Variants in MLANA observed in about 807,000 individuals in gnomAD.
MLANA encodes the protein melan-A, also known as melanoma antigen recognized by T-cells 1.
MLANA carries 21 observed loss-of-function variants against 15.7 expected under a neutral mutation model. The observed-to-expected ratio is 1.33, with a 90% CI of 0.95 to 1.92. The LOEUF (loss-of-function observed/expected upper bound fraction) is 1.92. Among genes scored for constraint, MLANA ranks in the 40% most tolerant of loss-of-function variants. MLANA has a pLI of 0.00. For synonymous variants in MLANA, 56 were observed against 51.5 expected (o/e 1.09, Z -0.37); for missense variants, 164 against 143.8 (o/e 1.14, Z -0.72).
At position 5,908,884 on chromosome 9, in the gene MLANA, G is replaced by C. The variant is rs1008939913; in HGVS notation, c.*176G>C. 14 of 571,846 alleles carry C rather than the reference G, an allele frequency of 2.4e-5. No individual in the cohort carries two copies. The highest frequency in any genetic ancestry group is 4.0e-5 in the Non-Finnish European group (13 of 323,116). The allele number at this position is 571,846 out of a possible 1,614,324, so 35.4% of individuals were successfully genotyped here. ...CCGCTAGCAGTACTAATCATGTGAG[G>C]AAATGATGAGAAATATTAAATTGGG... is the stretch of plus-strand genomic sequence containing the variant. On this transcript the variant is annotated 3_prime_UTR_variant, in exon 5 of 5. Transcript: ENST00000381477.
chr9:5,892,681 G>A (rs1179646175), intron 2 of MLANA, 130 bp downstream of exon 2: 1 of 682,936 alleles, frequency 1.5e-6, no homozygotes, highest in Non-Finnish European at 2.3e-6. Flanking sequence ...AACATCCCTG[G>A]CAACAAGGGG....
rs1833067451 is a variant in MLANA at position 5,909,982 on chromosome 9, G to A, written c.*1274G>A. 1.3e-5 allele frequency: 2 copies of A among 152,162 alleles called. No homozygotes were observed. The highest frequency in any genetic ancestry group is 2.9e-5 in the Non-Finnish European group (2 of 68,034). The allele number at this position is 152,162 out of a possible 1,614,324, so 9.4% of individuals were successfully genotyped here. ...TATTGCCATCCTGAGTGGAAAACCA[G>A]TATCATTTTCCATAGTAGAGGATAA... is the stretch of plus-strand genomic sequence containing the variant. On this transcript the variant is annotated 3_prime_UTR_variant, in exon 5 of 5. Transcript: ENST00000381477.
intron 1 of MLANA, chr9:5,891,171 T>C (rs1180513525): frequency 6.6e-6 from 1 of 152,220 alleles, no homozygotes; most frequent in East Asian, 1.9e-4. Context: ...CAGGATGGCA[T>C]CTTGCTGGGG....
chr9:5,910,535 T>G lies in MLANA; in HGVS notation c.*1827T>G, dbSNP rs988504230. The stretch of plus-strand genomic sequence containing the variant: ...CCTCCTCCCCTCACCACGAGGTCTC[T>G]GCTGAACCTCAATCCTGTACACTGA... On this transcript the variant is annotated 3_prime_UTR_variant, in exon 5 of 5. Transcript: ENST00000381477. 3.9e-5 allele frequency: 6 copies of G among 152,340 alleles called. No homozygotes were observed. Among genetic ancestry groups the G allele is most frequent in the Non-Finnish European group, 7.3e-5 (5 of 68,046 alleles). 9.4% of individuals were successfully genotyped at this position (152,340 alleles called of 1,614,324 possible). A position where few individuals can be genotyped will look rare whatever the true frequency, so the allele number is the denominator to read the frequency against.
rs768578082 is a variant in MLANA at position 5,894,362 on chromosome 9, A to G, written c.77+1811A>G. Among the ~76,000 whole-genome samples, 22 of 152,106 alleles carry G rather than the reference A, an allele frequency of 1.4e-4. No homozygotes were observed. Among genetic ancestry groups the G allele is most frequent in the Non-Finnish European group, 2.1e-4 (14 of 68,014 alleles). The stretch of plus-strand genomic sequence containing the variant: ...CTGGTTAAACAGGCATGGGACTGAG[A>G]CTGAGGAGGCAAAGAAGGCATCGGG... On this transcript the variant is annotated intron_variant, in intron 2 of 4. Transcript: ENST00000381477. The surrounding 1 kb of genome is among the most constrained non-coding windows in gnomAD (Gnocchi z 4.0).
rs924444125 is a variant in MLANA at position 5,894,545 on chromosome 9, GTC to G, written c.77+1997_77+1998del. On this transcript the variant is annotated intron_variant, in intron 2 of 4. Coordinates refer to ENST00000381477, the MANE Select transcript of MLANA (RefSeq NM_005511.2). The surrounding 1 kb of genome is among the most constrained non-coding windows in gnomAD (Gnocchi z 4.0). ...AGATTTTTGTTTGGCTGGTTCTGGTGTCTCAAGAGCTTAGAAGTGAGGGGCAT... is the reference window on the plus strand; with the variant it reads ...AGATTTTTGTTTGGCTGGTTCTGGTGTCAAGAGCTTAGAAGTGAGGGGCAT... 6.6e-6 allele frequency among the ~76,000 whole-genome samples: 1 copy of G among 152,190 alleles called. No homozygotes were observed. Among genetic ancestry groups the G allele is most frequent in the African/African-American group, 2.4e-5 (1 of 41,442 alleles).
At chr9:5,900,916 G>A (rs1832375899) in intron 3 of MLANA, among the ~76,000 whole-genome samples, 1 of 88,082 alleles carries the variant, frequency 1.1e-5, no homozygotes, top group Non-Finnish European at 3.1e-5. Flanking sequence ...ACACTCATGT[G>A]TCAGGGCACT....
chr9:5,900,620 T>A (rs1586940811), intron 3 of MLANA, among the ~76,000 whole-genome samples: 1 of 152,222 alleles, frequency 6.6e-6, no homozygotes, highest in Non-Finnish European at 1.5e-5. Flanking sequence ...ACAATCTTCA[T>A]TAAGCTTGAA....
intron 3 of MLANA, chr9:5,897,951 C>A: frequency 3.4e-6 from 1 of 297,480 alleles, no homozygotes; most frequent in Non-Finnish European, 6.5e-6. Context: ...AGGCTGGGAA[C>A]TCCAAGATCT....
chr9:5,897,957 G>C (rs1045972695), intron 3 of MLANA: 4 of 297,144 alleles, frequency 1.3e-5, no homozygotes, highest in Non-Finnish European at 2.6e-5. Flanking sequence ...GGAACTCCAA[G>C]ATCTAGGGGC....
intron 3 of MLANA, among the ~76,000 whole-genome samples, chr9:5,900,512 T>A (rs1474939458): frequency 6.6e-6 from 1 of 152,214 alleles, no homozygotes; most frequent in East Asian, 1.9e-4. Flanking sequence ...CATAATTACC[T>A]CCCTTTCTGT....
chr9:5,897,458 T>A, intron 2 of MLANA, 99 bp from the exon 3 acceptor site: 1 of 1,077,836 alleles, frequency 9.3e-7, no homozygotes, highest in Non-Finnish European at 1.4e-6. Flanking sequence ...CTGCTCTGGG[T>A]CGTCAAAGTC....
rs1156498234 is a variant in MLANA at position 5,894,107 on chromosome 9, C to A, written c.77+1556C>A. On this transcript the variant is annotated intron_variant, in intron 2 of 4. Transcript: ENST00000381477. The surrounding 1 kb of genome is among the most constrained non-coding windows in gnomAD (Gnocchi z 4.0). ...GAGGCAAATATTTGCACAATCCCAT[C>A]CGACGAGAGGCTAGGGCAGAGGTCA... Among the ~76,000 whole-genome samples the A allele has an allele frequency of 1.3e-5, 2 of 152,086 alleles. No homozygotes were observed. Among genetic ancestry groups the A allele is most frequent in the Non-Finnish European group, 2.9e-5 (2 of 68,014 alleles).
rs776054660 is a variant in MLANA, at chr9:5,892,489, T to C, written c.15T>C (p.Asp5=). 2.1e-5 allele frequency: 34 copies of C among 1,613,660 alleles called. No individual in the cohort carries two copies. In the East Asian group the frequency reaches 4.9e-4, roughly 23 times the overall value. The change falls in exon 2 of 5, where the codon GAT becomes GAC. Residue 5 remains aspartate (D), a synonymous_variant. Transcript: ENST00000381477. The part of the protein sequence containing the change: MPRE[D]AHFIYGYPKK... ...GACCCTACAAGATGCCAAGAGAAGATGCTCACTTCATCTATGGTTACCCCA... is the reference window on the plus strand; with the variant it reads ...GACCCTACAAGATGCCAAGAGAAGACGCTCACTTCATCTATGGTTACCCCA...
chr9:5,904,313 G>C (rs532585764), intron 3 of MLANA, among the ~76,000 whole-genome samples: 1 of 152,180 alleles, frequency 6.6e-6, no homozygotes, highest in African/African-American at 2.4e-5. Flanking sequence ...AGTAGTTATT[G>C]ATATAGTTGG....
In MLANA at chr9:5,908,969, T is replaced by C. The variant is rs1201221236; in HGVS notation, c.*261T>C. 4.9e-6 allele frequency: 2 copies of C among 411,430 alleles called. No homozygotes were observed. Among genetic ancestry groups the C allele is most frequent in the Non-Finnish European group, 8.7e-6 (2 of 230,878 alleles). The allele number at this position is 411,430 out of a possible 1,614,324, so 25.5% of individuals were successfully genotyped here. ...CTATCTGTGCCAGAGGTAATGTTAG[T>C]AAATCCATGGTGTTATTTTCTGAGA... On this transcript the variant is annotated 3_prime_UTR_variant, in exon 5 of 5. Transcript: ENST00000381477.
chr9:5,897,077 T>C (rs1011961251), intron 2 of MLANA, among the ~76,000 whole-genome samples: 5 of 152,246 alleles, frequency 3.3e-5, no homozygotes, highest in Non-Finnish European at 7.3e-5. Context: ...TGATAAATTG[T>C]GTCTACCCTC....
rs1833074111 is a variant in MLANA, at chr9:5,910,093, C to G, written c.*1385C>G. ...GAAGGCTATGAACCTGAGACCTGCTCTCTTTGTCAAACAGAGATTAACAAG... is the reference window on the plus strand; with the variant it reads ...GAAGGCTATGAACCTGAGACCTGCTGTCTTTGTCAAACAGAGATTAACAAG... On this transcript the variant is annotated 3_prime_UTR_variant, in exon 5 of 5. Coordinates refer to ENST00000381477, the MANE Select transcript of MLANA (RefSeq NM_005511.2). 6.6e-6 allele frequency: 1 copy of G among 152,192 alleles called. No individual in the cohort carries two copies. Among genetic ancestry groups the G allele is most frequent in the South Asian group, 2.1e-4 (1 of 4,820 alleles). 9.4% of individuals were successfully genotyped at this position (152,192 alleles called of 1,614,324 possible).
chr9:5,896,993 G>C (rs1020931735), intron 2 of MLANA, among the ~76,000 whole-genome samples: 1 of 152,176 alleles, frequency 6.6e-6, no homozygotes, highest in Non-Finnish European at 1.5e-5. Context: ...CCTCTGTTTT[G>C]TGCTAGCTCT....
Sources: gnomAD v4.1 joint callset for allele counts (sites outside exome capture counted in the v4.1 genomes callset) on GRCh38, gnomAD v4.1.1 for gene constraint, Gnocchi (gnomAD v3.1) non-coding constraint, MANE v1.5 for transcripts, NCBI Gene and HGNC (gene_info 2026-07-23, HGNC 2026-07-21) for gene names.